HSD17B12: variants seen among roughly 807,000 people sequenced by gnomAD.
The protein encoded by HSD17B12 is very-long-chain 3-oxoacyl-CoA reductase.
Under a neutral mutation model 39.3 loss-of-function variants are expected in HSD17B12, and 32 were observed. The ratio of observed to expected loss-of-function variants is 0.81; its 90% confidence interval spans 0.61 to 1.09. The LOEUF (loss-of-function observed/expected upper bound fraction) is 1.09. HSD17B12 is among the 50% of genes least tolerant of loss of function. The pLI, the probability that HSD17B12 is intolerant of heterozygous loss-of-function variation, is 0.00. For missense variants in HSD17B12, 342 were observed against 382.9 expected (o/e 0.89, Z 0.89); for synonymous variants, 150 against 146.7 (o/e 1.02, Z -0.16).
At chr11:43,639,403 C>T in the HSD17B12 span, among the ~76,000 whole-genome samples, 1 of 152,112 alleles carries the variant, frequency 6.6e-6, no homozygotes, top group East Asian at 1.9e-4. Flanking sequence ...TGGCTGCTCC[C>T]ACTTCAGTAT....
At chr11:43,740,996 G>A (rs1318069000) in intron 1 of HSD17B12, among the ~76,000 whole-genome samples, 1 of 152,198 alleles carries the variant, frequency 6.6e-6, no homozygotes, top group Admixed American at 6.5e-5. Flanking sequence ...GTGTTGCTGT[G>A]AATGCTTCGT....
chr11:43,679,288 A>G (rs947418241), upstream of HSD17B12, among the ~76,000 whole-genome samples: 2 of 152,192 alleles, frequency 1.3e-5, no homozygotes, highest in Non-Finnish European at 2.9e-5. Context: ...TTGAGTTACA[A>G]GACAGGGATG....
At chr11:43,654,910 AT>A in the HSD17B12 span, among the ~76,000 whole-genome samples, 1 of 152,054 alleles carries the variant, frequency 6.6e-6, no homozygotes, top group Non-Finnish European at 1.5e-5. Context: ...AATTTTATGA[AT>A]TTTAAAGTAG....
At chr11:43,708,623 G>A (rs969031427) in intron 1 of HSD17B12, among the ~76,000 whole-genome samples, 9 of 152,176 alleles carry the variant, frequency 5.9e-5, no homozygotes, top group African/African-American at 9.7e-5. Context: ...TACTGGGACC[G>A]CAGTAGTTGG....
At chr11:43,655,987 C>T in the HSD17B12 span, among the ~76,000 whole-genome samples, 5 of 152,186 alleles carry the variant, frequency 3.3e-5, no homozygotes, top group Admixed American at 6.5e-5. Flanking sequence ...ATGGTACCAG[C>T]TCCTCCTTGT....
intron 1 of HSD17B12, among the ~76,000 whole-genome samples, chr11:43,739,947 T>G (rs371781329): frequency 6.6e-6 from 1 of 152,096 alleles, no homozygotes; most frequent in Admixed American, 6.5e-5. Context: ...AAGTTCAGAT[T>G]TGCACTTTGG....
the HSD17B12 span, among the ~76,000 whole-genome samples, chr11:43,624,848 T>A: frequency 3.2e-4 from 49 of 151,636 alleles, no homozygotes; most frequent in Admixed American, 2.9e-3. Context: ...TTGAAATTCA[T>A]TCATGCCAGA....
At chr11:43,590,962 C>G in the HSD17B12 span, among the ~76,000 whole-genome samples, 2 of 151,906 alleles carry the variant, frequency 1.3e-5, no homozygotes, top group Admixed American at 1.3e-4. Flanking sequence ...AATTAAGGGT[C>G]AGTAGCTTAT....
chr11:43,634,072 T>C, the HSD17B12 span, among the ~76,000 whole-genome samples: 2 of 2,988 alleles, frequency 6.7e-4, no homozygotes, highest in Non-Finnish European at 1.3e-3. Flanking sequence ...AAAAACTCCA[T>C]CTCAAAAAAA....
the HSD17B12 span, among the ~76,000 whole-genome samples, chr11:43,607,624 T>C: frequency 1.3e-5 from 2 of 152,124 alleles, no homozygotes; most frequent in African/African-American, 4.8e-5. Context: ...ACTTCACAGA[T>C]GAGGAAACTG....
intron 1 of HSD17B12, among the ~76,000 whole-genome samples, chr11:43,690,485 C>T (rs1354856509): frequency 6.9e-6 from 1 of 144,150 alleles, no homozygotes; most frequent in Admixed American, 7.0e-5. Flanking sequence ...AGCAATCCTC[C>T]TGCCTTAGCC....
the HSD17B12 span, among the ~76,000 whole-genome samples, chr11:43,596,201 C>T: frequency 9.2e-5 from 14 of 152,070 alleles, no homozygotes; most frequent in African/African-American, 2.4e-4. Flanking sequence ...TCAAACCCCC[C>T]GTTTTACATA....
the HSD17B12 span, among the ~76,000 whole-genome samples, chr11:43,607,275 C>T: frequency 5.1e-5 from 6 of 116,548 alleles, no homozygotes; most frequent in African/African-American, 1.9e-4. Flanking sequence ...CACGTGTGCT[C>T]CTGAGTGTGT....
At chr11:43,659,232 C>A in the HSD17B12 span, among the ~76,000 whole-genome samples, 1 of 152,230 alleles carries the variant, frequency 6.6e-6, no homozygotes, top group Non-Finnish European at 1.5e-5. Context: ...GTTTGTTAAG[C>A]CCATCGGAAG....
At chr11:43,740,660 A>G (rs10838159) in intron 1 of HSD17B12, among the ~76,000 whole-genome samples, 33,542 of 152,134 alleles carry the variant, frequency 0.22, 3,923 homozygotes, top group Middle Eastern at 0.37. Context: ...TCACTTTAGA[A>G]TTGACTAGAT....
intron 1 of HSD17B12, among the ~76,000 whole-genome samples, chr11:43,707,261 A>G (rs1950025006): frequency 6.6e-6 from 1 of 152,244 alleles, no homozygotes; most frequent in African/African-American, 2.4e-5. Context: ...ATAAGCAGAC[A>G]TTTGGTAAGT....
intron 6 of HSD17B12, among the ~76,000 whole-genome samples, chr11:43,820,789 T>G (rs1454707041): frequency 1.3e-5 from 2 of 152,234 alleles, no homozygotes; most frequent in Non-Finnish European, 2.9e-5. Flanking sequence ...CTTGTGACTT[T>G]GGGCTTGTGC....
intron 3 of HSD17B12, 25 bp downstream of exon 3, chr11:43,754,146 G>T: frequency 4.1e-6 from 6 of 1,453,556 alleles, no homozygotes; most frequent in Non-Finnish European, 5.8e-6. Context: ...CAAACAAAAG[G>T]AATACATAGC....
chr11:43,583,859 A>C, the HSD17B12 span, among the ~76,000 whole-genome samples: 2 of 151,770 alleles, frequency 1.3e-5, no homozygotes, highest in East Asian at 3.9e-4. Context: ...ACCCCAGGCT[A>C]CTCCTTCCGG....
Sources: allele counts gnomAD v4.1 joint callset (sites outside exome capture counted in the v4.1 genomes callset), GRCh38; gene constraint gnomAD v4.1.1; transcripts MANE v1.5; gene names NCBI Gene and HGNC (gene_info 2026-07-23, HGNC 2026-07-21).